The following CA10 variants were observed in gnomAD, a reference collection of about 807,000 sequenced individuals.
The protein encoded by CA10 is carbonic anhydrase 10 (inactive), also known as carbonic anhydrase-related protein 10.
Under a neutral mutation model 44.2 loss-of-function variants are expected in CA10, and 14 were observed. That is an observed-to-expected ratio of 0.32 (90% confidence interval 0.21 to 0.50). CA10 has a LOEUF of 0.50. Ranked by LOEUF, CA10 falls within the 20% of genes least tolerant of loss-of-function variation. The pLI is 0.99. For missense variants in CA10, 350 were observed against 409.7 expected (o/e 0.85, Z 1.26); for synonymous variants, 159 against 141.6 (o/e 1.12, Z -0.87).
At chr17:51,783,631 T>G (rs1476569013) in intron 3 of CA10, among the ~76,000 whole-genome samples, 1 of 151,436 alleles carries the variant, frequency 6.6e-6, no homozygotes, top group Non-Finnish European at 1.5e-5. Flanking sequence ...AAGAAAGAAA[T>G]AGAGAAAAGA....
At chr17:51,684,237 CT>C (rs1372751095) in intron 4 of CA10, among the ~76,000 whole-genome samples, 3 of 152,146 alleles carry the variant, frequency 2.0e-5, no homozygotes, top group African/African-American at 7.2e-5. Context: ...AAGATGGATT[CT>C]GCCCTACAGC....
intron 4 of CA10, among the ~76,000 whole-genome samples, chr17:51,673,337 T>A (rs1043604302): frequency 2.3e-4 from 35 of 152,336 alleles, no homozygotes; most frequent in African/African-American, 8.4e-4. Context: ...GAAGGACTTA[T>A]GAGCACTCAG....
chr17:51,697,287 G>A (rs1241438291), intron 4 of CA10, among the ~76,000 whole-genome samples: 3 of 152,146 alleles, frequency 2.0e-5, no homozygotes, highest in Non-Finnish European at 4.4e-5. Context: ...TCATCTCTGA[G>A]CTTATAGCCT....
chr17:51,645,547 T>A (rs773958821), intron 6 of CA10, among the ~76,000 whole-genome samples: 21 of 152,224 alleles, frequency 1.4e-4, no homozygotes, highest in Non-Finnish European at 3.1e-4. Context: ...GTGGTTAGTA[T>A]ATGTCCCTTT....
At chr17:51,807,829 T>C (rs1363627916) in intron 3 of CA10, among the ~76,000 whole-genome samples, 1 of 152,152 alleles carries the variant, frequency 6.6e-6, no homozygotes, top group South Asian at 2.1e-4. Flanking sequence ...GTGATTGAGG[T>C]CTTAATAGTG....
chr17:52,037,754 A>G (rs1986658699), intron 2 of CA10, among the ~76,000 whole-genome samples: 1 of 152,054 alleles, frequency 6.6e-6, no homozygotes, highest in South Asian at 2.1e-4. Flanking sequence ...TATTTTCCCA[A>G]TACACACCGT....
chr17:51,760,557 CAG>C (rs1567830594), intron 3 of CA10, among the ~76,000 whole-genome samples: 1 of 152,074 alleles, frequency 6.6e-6, no homozygotes, highest in Non-Finnish European at 1.5e-5. Context: ...GGAGGAGGAA[CAG>C]AGAGAAATGC....
chr17:51,901,649 C>T (rs1199124421), intron 3 of CA10, among the ~76,000 whole-genome samples: 1 of 152,054 alleles, frequency 6.6e-6, no homozygotes, highest in African/African-American at 2.4e-5. Flanking sequence ...AAAGGACTCT[C>T]AGTCTGGAGC....
intron 2 of CA10, among the ~76,000 whole-genome samples, chr17:51,948,800 TA>T (rs2144029723): frequency 6.6e-6 from 1 of 152,300 alleles, no homozygotes; most frequent in South Asian, 2.1e-4. Context: ...CTAATTGACA[TA>T]ACTTATTACT....
At chr17:52,083,648 A>T (rs781313015) in intron 1 of CA10, among the ~76,000 whole-genome samples, 1 of 152,068 alleles carries the variant, frequency 6.6e-6, no homozygotes, top group Non-Finnish European at 1.5e-5. Context: ...GCTCTCACTT[A>T]TAAGTATTTG....
chr17:52,103,362 C>A (rs146979436), intron 1 of CA10, among the ~76,000 whole-genome samples: 4 of 152,338 alleles, frequency 2.6e-5, no homozygotes, highest in Non-Finnish European at 5.9e-5. Flanking sequence ...TCGTCCACAG[C>A]ACAATCCACA....
chr17:51,714,826 T>C (rs1396466039), intron 4 of CA10, among the ~76,000 whole-genome samples: 4 of 152,154 alleles, frequency 2.6e-5, no homozygotes, highest in Admixed American at 1.3e-4. Context: ...CAGGGAGGAA[T>C]TGGAAATTAC....
chr17:52,119,961 C>A (rs987235033), intron 1 of CA10, among the ~76,000 whole-genome samples: 1 of 152,196 alleles, frequency 6.6e-6, no homozygotes. Flanking sequence ...ATGTAAAAAT[C>A]TGGATCAAAT....
At position 52,096,405 on chromosome 17, in the gene CA10, C is replaced by G. The variant is rs28630713; in HGVS notation, c.62-24012G>C. ...CAAGGAACTTGAACCACTGGTCTAT[C>G]TTGTTTTCCCCATCTTTAGAGAAAA... On this transcript the variant is annotated intron_variant, in intron 1 of 8. Coordinates refer to ENST00000451037, the MANE Select transcript of CA10 (RefSeq NM_020178.5). 5.5e-3 allele frequency among the ~76,000 whole-genome samples: 841 copies of G among 152,280 alleles called. 6 individuals are homozygous for G. The highest frequency in any genetic ancestry group is 0.019 in the African/African-American group (787 of 41,562).
chr17:51,750,272 C>T (rs911866237), intron 3 of CA10, among the ~76,000 whole-genome samples: 1 of 152,120 alleles, frequency 6.6e-6, no homozygotes, highest in Non-Finnish European at 1.5e-5. Context: ...TTTTCACACT[C>T]ATACTTATAG....
Position 52,092,780 on chromosome 17 carries a change from C to T in CA10, c.62-20387G>A, listed in dbSNP as rs546077860. 7.2e-5 allele frequency among the ~76,000 whole-genome samples: 11 copies of T among 152,290 alleles called. No homozygotes were observed. The East Asian group carries it at 2.1e-3, about 29-fold the overall frequency. ...TGTCCTTCACTCAGTCCTTACTGTA[C>T]TTGCTCTCTGAGGATTGAATACCAT... On this transcript the variant is annotated intron_variant, in intron 1 of 8. Coordinates refer to ENST00000451037, the MANE Select transcript of CA10 (RefSeq NM_020178.5).
chr17:51,684,644 T>A (rs1470475314), intron 4 of CA10, among the ~76,000 whole-genome samples: 1 of 152,180 alleles, frequency 6.6e-6, no homozygotes, highest in East Asian at 1.9e-4. Context: ...AAAAATACAT[T>A]TAAAGCTTAA....
intron 2 of CA10, among the ~76,000 whole-genome samples, chr17:52,038,880 G>A (rs979238981): frequency 8.5e-5 from 13 of 152,084 alleles, no homozygotes; most frequent in African/African-American, 3.1e-4. Flanking sequence ...TCTGGGTCCT[G>A]TTTCGAATTA....
At chr17:51,750,984 G>A (rs1193660071) in intron 3 of CA10, among the ~76,000 whole-genome samples, 1 of 152,140 alleles carries the variant, frequency 6.6e-6, no homozygotes, top group Non-Finnish European at 1.5e-5. Flanking sequence ...AAAAATCAGG[G>A]GCCCTGGAGT....
Sources: allele counts gnomAD v4.1 joint callset (sites outside exome capture counted in the v4.1 genomes callset), GRCh38; gene constraint gnomAD v4.1.1; transcripts MANE v1.5; gene names NCBI Gene and HGNC (gene_info 2026-07-23, HGNC 2026-07-21).